SPAST: variants seen among roughly 807,000 people sequenced by gnomAD.
SPAST encodes spastin, also known as spastic paraplegia 4 (autosomal dominant; spastin).
SPAST carries 30 observed loss-of-function variants against 76.6 expected under a neutral mutation model. That is an observed-to-expected ratio of 0.39 (90% CI 0.29 to 0.53). The LOEUF (loss-of-function observed/expected upper bound fraction) is 0.53. Ranked by LOEUF, SPAST falls within the 20% of genes least tolerant of loss-of-function variation. The pLI is 0.68. For missense variants in SPAST, 717 were observed against 770.5 expected, an observed-to-expected ratio of 0.93 and a Z score of 0.82; for synonymous variants, 305 against 281.0, an observed-to-expected ratio of 1.09 and a Z score of -0.86.
chr2:32,156,479 A>G lies in SPAST; in HGVS notation c.*1983A>G, dbSNP rs1433228125. The G allele has an allele frequency of 1.3e-5, 2 of 152,154 alleles. No individual in the cohort carries two copies. Among genetic ancestry groups the G allele is most frequent in the Non-Finnish European group, 2.9e-5 (2 of 68,020 alleles). The allele number at this position is 152,154 out of a possible 1,614,324, so 9.4% of individuals were successfully genotyped here. On this transcript the variant is annotated 3_prime_UTR_variant, in exon 17 of 17. Transcript: ENST00000315285. ...GGGGAAAAAAAATTTTTTTCAAGCCAGAGCTATGCATATGTTAGGTGATGG... is the reference window on the plus strand; with the variant it reads ...GGGGAAAAAAAATTTTTTTCAAGCCGGAGCTATGCATATGTTAGGTGATGG...
intron 3 of SPAST, among the ~76,000 whole-genome samples, chr2:32,096,516 GA>G (rs896902408): frequency 7.4e-5 from 11 of 148,200 alleles, no homozygotes; most frequent in South Asian, 2.1e-4. Flanking sequence ...CCTCCTCCAA[GA>G]AAAAAAAAAT....
rs1676373824 is a variant in SPAST, at chr2:32,063,674, G to A, written c.-158G>A. ...CTCCTGGCCGAGGAAGGAGAAAGGG[G>A]CGGGGCCGGCGGGCAGCGTGCGGCA... On this transcript the variant is annotated 5_prime_UTR_variant, in exon 1 of 17. Coordinates refer to ENST00000315285, the MANE Select transcript of SPAST (RefSeq NM_014946.4). The A allele has an allele frequency of 1.1e-6, 1 of 932,222 alleles. No homozygotes were observed. Among genetic ancestry groups the A allele is most frequent in the Non-Finnish European group, 1.6e-6 (1 of 641,882 alleles). 57.7% of individuals were successfully genotyped at this position (932,222 alleles called of 1,614,324 possible).
At chr2:32,147,681 G>C (rs1269100857) in intron 16 of SPAST, among the ~76,000 whole-genome samples, 3 of 151,388 alleles carry the variant, frequency 2.0e-5, no homozygotes, top group Non-Finnish European at 4.4e-5. Context: ...GCCCAGACTG[G>C]AGTGCAGTGG....
chr2:32,084,272 TGCCTCA>T (rs1049018315), intron 1 of SPAST, among the ~76,000 whole-genome samples: 25 of 151,952 alleles, frequency 1.6e-4, no homozygotes, highest in Admixed American at 4.6e-4. Context: ...GCCATTCTCC[TGCCTCA>T]GCCTCCGGAG....
At chr2:32,129,293 T>C (rs1355203503) in intron 9 of SPAST, 4 of 151,894 alleles carry the variant, frequency 2.6e-5, no homozygotes, top group Admixed American at 2.6e-4. Flanking sequence ...TCTCGCTATG[T>C]TGCCAGGCTA....
rs1248881124 is a variant in SPAST, at chr2:32,108,789, A to G, written c.683-5849A>G. Among the ~76,000 whole-genome samples, 7 of 108,060 alleles carry G rather than the reference A, an allele frequency of 6.5e-5. No individual in the cohort carries two copies. The South Asian group carries it at 1.8e-3, about 28-fold the overall frequency. 70.9% of individuals were successfully genotyped at this position (108,060 alleles called of 152,430 possible). A position where few individuals can be genotyped will look rare whatever the true frequency, so the allele number is the denominator to read the frequency against. ...TTTTTTTTTTTTTTTTTTTTGTGAC[A>G]GAGTCTCACTCTGTCGCCCAGGGTG... is the stretch of plus-strand genomic sequence containing the variant. On this transcript the variant is annotated intron_variant, in intron 4 of 16. Coordinates refer to ENST00000315285, the MANE Select transcript of SPAST (RefSeq NM_014946.4).
chr2:32,125,875 C>A (rs1235043134), intron 7 of SPAST, among the ~76,000 whole-genome samples: 4 of 152,008 alleles, frequency 2.6e-5, no homozygotes, highest in Non-Finnish European at 5.9e-5. Context: ...GCTCAATACA[C>A]GCTCCGCCTC....
At chr2:32,081,464 C>T (rs913658328) in intron 1 of SPAST, among the ~76,000 whole-genome samples, 2 of 152,142 alleles carry the variant, frequency 1.3e-5, no homozygotes, top group Non-Finnish European at 2.9e-5. Context: ...TTCTCCTGGG[C>T]ATGCTCTGAA....
chr2:32,078,374 C>T (rs563580011), intron 1 of SPAST, among the ~76,000 whole-genome samples: 1 of 152,232 alleles, frequency 6.6e-6, no homozygotes, highest in East Asian at 1.9e-4. Flanking sequence ...GAGTTTCTGG[C>T]CAAGCTGGCC....
At chr2:32,132,916 C>T (rs941176598) in intron 9 of SPAST, among the ~76,000 whole-genome samples, 1 of 152,090 alleles carries the variant, frequency 6.6e-6, no homozygotes, top group African/African-American at 2.4e-5. Context: ...CATTGTGGCA[C>T]ATGCCTGTAA....
intron 1 of SPAST, among the ~76,000 whole-genome samples, chr2:32,076,572 G>A (rs1390176516): frequency 1.3e-5 from 2 of 152,084 alleles, no homozygotes; most frequent in Non-Finnish European, 2.9e-5. Flanking sequence ...GGTGAACTAT[G>A]AGAGAATTAA....
chr2:32,072,061 G>A (rs1376109907), intron 1 of SPAST, among the ~76,000 whole-genome samples: 1 of 152,084 alleles, frequency 6.6e-6, no homozygotes, highest in Non-Finnish European at 1.5e-5. Context: ...TTTATTTTTT[G>A]AGACAGAGTC....
chr2:32,114,043 A>C (rs1251634404), intron 4 of SPAST, among the ~76,000 whole-genome samples: 3 of 151,876 alleles, frequency 2.0e-5, no homozygotes, highest in Non-Finnish European at 4.4e-5. Flanking sequence ...TCCGTGGTTC[A>C]AGCAATTCTC....
At position 32,155,048 on chromosome 2, in the gene SPAST, A is replaced by G. The variant is rs1402761183; in HGVS notation, c.*552A>G. The G allele has an allele frequency of 6.5e-6, 1 of 153,502 alleles. No homozygotes were observed. The highest frequency in any genetic ancestry group is 2.4e-5 in the African/African-American group (1 of 41,470). 9.5% of individuals were successfully genotyped at this position (153,502 alleles called of 1,614,324 possible). A position where few individuals can be genotyped will look rare whatever the true frequency, so the allele number is the denominator to read the frequency against. On this transcript the variant is annotated 3_prime_UTR_variant, in exon 17 of 17. Transcript: ENST00000315285. ...TTTTCCTAAGTAACTGTAATAGGAA[A>G]AAGTTTATTTTGAGAGTTTCTTCTT...
chr2:32,154,623 C>A lies in SPAST; in HGVS notation c.*127C>A. 1.1e-6 allele frequency: 1 copy of A among 928,644 alleles called. No individual in the cohort carries two copies. Among genetic ancestry groups the A allele is most frequent in the Non-Finnish European group, 1.7e-6 (1 of 595,772 alleles). The allele number at this position is 928,644 out of a possible 1,614,324, so 57.5% of individuals were successfully genotyped here. A position where few individuals can be genotyped will look rare whatever the true frequency, so the allele number is the denominator to read the frequency against. On this transcript the variant is annotated 3_prime_UTR_variant, in exon 17 of 17. Transcript: ENST00000315285. Reference sequence around the variant, plus strand: ...CTTTTTAGAGTCTTACATATTTGTGCACCAAACTTGAAGATGAACCAGAAA... The same window carrying A: ...CTTTTTAGAGTCTTACATATTTGTGAACCAAACTTGAAGATGAACCAGAAA...
chr2:32,063,598 A>T lies in SPAST; in HGVS notation c.-234A>T, dbSNP rs1182768760. 5.5e-6 allele frequency: 3 copies of T among 547,630 alleles called. No individual in the cohort carries two copies. The highest frequency in any genetic ancestry group is 9.5e-6 in the Non-Finnish European group (3 of 314,750). 33.9% of individuals were successfully genotyped at this position (547,630 alleles called of 1,614,324 possible). ...CCACCAGGCGGCGGAGAGGACAGCG[A>T]CAGGAAGGGAGGGGCCCGAGCCACC... On this transcript the variant is annotated 5_prime_UTR_variant, in exon 1 of 17. Coordinates refer to ENST00000315285, the MANE Select transcript of SPAST (RefSeq NM_014946.4).
At chr2:32,124,151 A>G (rs1679114057) in intron 7 of SPAST, among the ~76,000 whole-genome samples, 1 of 152,242 alleles carries the variant, frequency 6.6e-6, no homozygotes, top group Admixed American at 6.5e-5. Flanking sequence ...CAAAATATAC[A>G]AAGAACTTTT....
intron 1 of SPAST, among the ~76,000 whole-genome samples, chr2:32,064,631 T>C (rs537956949): frequency 1.3e-5 from 2 of 152,154 alleles, no homozygotes; most frequent in Admixed American, 6.5e-5. Flanking sequence ...GGTTTTGATA[T>C]TGAAGAAGCA....
Position 32,063,904 on chromosome 2 carries a change from C to T in SPAST, c.73C>T (p.Pro25Ser), listed in dbSNP as rs758920536. Residue 25 changes from proline (P) to serine (S), a missense_variant, in exon 1 of 17, where the codon CCG becomes TCG. Transcript: ENST00000315285. ...CAGCAACCCGGTGCCTCCCAGGCCT[C>T]CGCCCCCTTGCCTGGCCCCCGCCCC... ...GASNPVPPRPPPPCLAPAPPA... is the reference protein window; with the variant it reads ...GASNPVPPRPSPPCLAPAPPA... The T allele has an allele frequency of 5.7e-6, 9 of 1,581,744 alleles. No individual in the cohort carries two copies. Among genetic ancestry groups the T allele is most frequent in the Admixed American group, 5.5e-5 (3 of 54,830 alleles).
Sources: gnomAD v4.1 joint callset for allele counts (sites outside exome capture counted in the v4.1 genomes callset) on GRCh38, gnomAD v4.1.1 for gene constraint, MANE v1.5 for transcripts, NCBI Gene and HGNC (gene_info 2026-07-23, HGNC 2026-07-21) for gene names.